Variants in SCUBE1 observed in about 807,000 individuals in gnomAD.
The protein encoded by SCUBE1 is signal peptide, CUB and EGF-like domain-containing protein 1.
A neutral mutation model predicts 124.4 loss-of-function variants in SCUBE1; 59 were observed. The ratio of observed to expected loss-of-function variants is 0.47; its 90% CI spans 0.38 to 0.59. SCUBE1 has a LOEUF of 0.59. Ranked by LOEUF, SCUBE1 falls within the 20% of genes least tolerant of loss-of-function variation. The pLI is 0.00. For synonymous variants in SCUBE1, 545 were observed against 550.9 expected (o/e 0.99, Z 0.15); for missense variants, 1,150 against 1,371.2 (o/e 0.84, Z 2.55).
chr22:43,338,321 C>G (rs1178878169), intron 2 of SCUBE1, among the ~76,000 whole-genome samples: 2 of 152,160 alleles, frequency 1.3e-5, no homozygotes, highest in Non-Finnish European at 2.9e-5. Context: ...GGCAGAAAGG[C>G]TGGAGAGACA....
chr22:43,276,217 T>C (rs974930629), intron 4 of SCUBE1, among the ~76,000 whole-genome samples: 8 of 152,146 alleles, frequency 5.3e-5, no homozygotes, highest in African/African-American at 1.9e-4. Context: ...GGACAGTTGG[T>C]ACTGGGGTCA....
intron 3 of SCUBE1, among the ~76,000 whole-genome samples, chr22:43,292,439 A>G (rs756587723): frequency 6.6e-6 from 1 of 152,170 alleles, no homozygotes; most frequent in Non-Finnish European, 1.5e-5. Context: ...GTTTAATGAA[A>G]GAAGGGCTTC....
intron 14 of SCUBE1, 74 bp from the exon 15 acceptor site, chr22:43,218,532 C>T (rs558024586): frequency 3.3e-6 from 5 of 1,529,322 alleles, no homozygotes; most frequent in Non-Finnish European, 4.5e-6. Flanking sequence ...CTGAGGGCTC[C>T]CCCGTGCCAG....
intron 5 of SCUBE1, among the ~76,000 whole-genome samples, chr22:43,260,827 G>C (rs374091395): frequency 6.6e-6 from 1 of 152,164 alleles, no homozygotes; most frequent in Non-Finnish European, 1.5e-5. Flanking sequence ...TGAGGGTTGT[G>C]GGGGGTGTCC....
chr22:43,325,932 G>A (rs990335878), intron 2 of SCUBE1, among the ~76,000 whole-genome samples: 1 of 136,452 alleles, frequency 7.3e-6, no homozygotes, highest in Non-Finnish European at 1.6e-5. Context: ...AGGGTGAGGT[G>A]TTTTTTTTTT....
At chr22:43,223,579 T>TG (rs1249050035) in intron 10 of SCUBE1, among the ~76,000 whole-genome samples, 5 of 152,062 alleles carry the variant, frequency 3.3e-5, no homozygotes, top group East Asian at 1.9e-4. Context: ...GGAGGGGCCG[T>TG]GGGGGGGATC....
chr22:43,232,092 C>T, intron 7 of SCUBE1: 1 of 566,614 alleles, frequency 1.8e-6, no homozygotes, highest in Non-Finnish European at 3.2e-6. Flanking sequence ...GAAGGGCCAG[C>T]TCCCCAAGCT....
At chr22:43,228,103 C>T (rs1922399718) in intron 9 of SCUBE1, among the ~76,000 whole-genome samples, 2 of 152,190 alleles carry the variant, frequency 1.3e-5, no homozygotes, top group African/African-American at 4.8e-5. Context: ...AGCCCAAGCA[C>T]CAGCTATGTC....
In SCUBE1 at chr22:43,291,139, T is replaced by C. The variant is rs1925342700; in HGVS notation, c.391A>G (p.Ile131Val). The C allele has an allele frequency of 1.9e-6, 3 of 1,613,346 alleles. No individual in the cohort carries two copies. Among genetic ancestry groups the C allele is most frequent in the Non-Finnish European group, 2.5e-6 (3 of 1,179,360 alleles). Reference protein sequence around the residue: ...CQDNNGGCQQICVNAMGSYEC... With the variant: ...CQDNNGGCQQVCVNAMGSYEC... ...TAGCTGCCCATGGCATTGACGCAGA[T>C]CTGCTGGCAGCCACCATTATTGTCC... Residue 131 changes from isoleucine (I) to valine (V), a missense_variant, in exon 4 of 22, where the codon ATC (isoleucine) becomes GTC (valine). Physicochemically the swap from Ile to Val is conservative, Grantham distance 29. Around this residue, in one of 3 missense-constraint regions of SCUBE1, gnomAD observed 337 missense variants for 482.1 expected, o/e 0.70. Coordinates refer to ENST00000360835, the MANE Select transcript of SCUBE1 (RefSeq NM_173050.5).
intron 1 of SCUBE1, among the ~76,000 whole-genome samples, chr22:43,340,531 C>G (rs964832206): frequency 9.1e-5 from 12 of 132,066 alleles, no homozygotes; most frequent in Admixed American, 6.2e-4. Context: ...CACACACACA[C>G]AGAGTTCAGG....
chr22:43,295,266 C>T (rs945671244), intron 3 of SCUBE1, among the ~76,000 whole-genome samples: 1 of 152,158 alleles, frequency 6.6e-6, no homozygotes, highest in Non-Finnish European at 1.5e-5. Context: ...CAGCATAATT[C>T]ACTCCACCCC....
At chr22:43,309,910 C>T (rs1028863298) in intron 3 of SCUBE1, among the ~76,000 whole-genome samples, 5 of 152,146 alleles carry the variant, frequency 3.3e-5, no homozygotes, top group African/African-American at 1.2e-4. Context: ...TCACCCTGAA[C>T]GAAGCCACCA....
chr22:43,323,523 T>C (rs955020806), intron 2 of SCUBE1, among the ~76,000 whole-genome samples: 2 of 152,112 alleles, frequency 1.3e-5, no homozygotes, highest in Non-Finnish European at 2.9e-5. Context: ...CATGCATGCA[T>C]CCATCTGTCT....
intron 3 of SCUBE1, among the ~76,000 whole-genome samples, chr22:43,312,461 C>T (rs1480753671): frequency 6.6e-6 from 1 of 152,096 alleles, no homozygotes; most frequent in Admixed American, 6.5e-5. Context: ...CCAGTGGGCA[C>T]AGCTAAGCAA....
chr22:43,257,842 T>C (rs529886624), intron 6 of SCUBE1, among the ~76,000 whole-genome samples: 73 of 152,348 alleles, frequency 4.8e-4, no homozygotes, highest in African/African-American at 1.7e-3. Flanking sequence ...GAAACACCTG[T>C]GCTTCTGGAA....
chr22:43,267,498 A>G (rs2146717823), intron 4 of SCUBE1, among the ~76,000 whole-genome samples: 1 of 152,294 alleles, frequency 6.6e-6, no homozygotes, highest in South Asian at 2.1e-4. Flanking sequence ...TGATGTGGGA[A>G]ATTCGCAGCA....
Position 43,296,352 on chromosome 22 carries a change from G to A in SCUBE1, c.350-5172C>T, listed in dbSNP as rs182981412. 2.6e-5 allele frequency among the ~76,000 whole-genome samples: 4 copies of A among 152,298 alleles called. No individual in the cohort carries two copies. The East Asian group carries it at 5.8e-4, about 22-fold the overall frequency. ...CCCTGAGTGGGCCTGTTTCCAATCC[G>A]GGGTCCAGAATCCCTGGGCGGCTCT... is the stretch of plus-strand genomic sequence containing the variant. On this transcript the variant is annotated intron_variant, in intron 3 of 21. Transcript: ENST00000360835.
chr22:43,221,208 G>C lies in SCUBE1; in HGVS notation c.1514C>G (p.Ala505Gly). 6.2e-7 allele frequency: 1 copy of C among 1,611,360 alleles called. No individual in the cohort carries two copies. Among genetic ancestry groups the C allele is most frequent in the Non-Finnish European group, 8.5e-7 (1 of 1,179,954 alleles). The change falls in exon 13 of 22, where the codon GCA (alanine) becomes GGA (glycine). Residue 505 changes from alanine to glycine, a missense_variant. Ala to Gly is a moderately conservative substitution (Grantham distance 60). This residue lies in a region of SCUBE1 where 757 missense variants were observed against 840.9 expected (regional missense o/e 0.90). Coordinates refer to ENST00000360835, the MANE Select transcript of SCUBE1 (RefSeq NM_173050.5). ...CTGCCTGGCGGTCTCCTTTGCTCGT[G>C]CCTGGCTGTGGGGCCGGAGGTGGCA... ...AKCHLRPHSQ[A>G]RAKETARQPL...
intron 3 of SCUBE1, among the ~76,000 whole-genome samples, chr22:43,315,115 T>C (rs967011601): frequency 6.6e-6 from 1 of 152,056 alleles, no homozygotes; most frequent in African/African-American, 2.4e-5. Context: ...AACATGTCTG[T>C]GGGCCAGATG....
Sources: allele counts gnomAD v4.1 joint callset (sites outside exome capture counted in the v4.1 genomes callset), GRCh38; gene constraint gnomAD v4.1.1; regional missense constraint gnomAD v4.1.1; transcripts MANE v1.5; gene names NCBI Gene and HGNC (gene_info 2026-07-23, HGNC 2026-07-21).